Variants in CHSY3 observed in about 807,000 individuals in gnomAD.
The protein encoded by CHSY3 is N-acetylgalactosaminyl-proteoglycan 3-beta-glucuronosyltransferase 3.
Under a neutral mutation model 67.2 loss-of-function variants are expected in CHSY3, and 35 were observed. The ratio of observed to expected loss-of-function variants is 0.52; its 90% confidence interval spans 0.40 to 0.69. CHSY3 has a LOEUF of 0.69. Ranked by LOEUF, CHSY3 falls within the 30% of genes least tolerant of loss-of-function variation. The probability of loss-of-function intolerance (pLI) is 0.00; values close to 1 mark genes in which losing one functional copy is unlikely to be tolerated. For synonymous variants in CHSY3, 474 were observed against 434.7 expected (o/e 1.09, Z -1.12); for missense variants, 1,069 against 1,138.5 (o/e 0.94, Z 0.88).
In CHSY3 at chr5:130,109,057, G is replaced by A. The variant is rs569955543; in HGVS notation, c.1087-75172G>A. Reference sequence around the variant, plus strand: ...CAAATTACTTCAGTCATGTTCTATAGTTTACATTTACAGGCACATCAGTGT... The same window carrying A: ...CAAATTACTTCAGTCATGTTCTATAATTTACATTTACAGGCACATCAGTGT... On this transcript the variant is annotated intron_variant, in intron 2 of 2. Transcript: ENST00000305031. 9.4e-4 allele frequency among the ~76,000 whole-genome samples: 142 copies of A among 151,728 alleles called. 1 individual carries two copies. The highest frequency in any genetic ancestry group is 3.4e-3 in the Middle Eastern group (1 of 294).
At chr5:129,916,207 T>A (rs1464123001) in intron 2 of CHSY3, among the ~76,000 whole-genome samples, 1 of 152,238 alleles carries the variant, frequency 6.6e-6, no homozygotes, top group African/African-American at 2.4e-5. Context: ...AAGTTTGAGA[T>A]ATGCATATTC....
At chr5:129,973,920 GA>G (rs778007820) in intron 2 of CHSY3, among the ~76,000 whole-genome samples, 1 of 151,960 alleles carries the variant, frequency 6.6e-6, no homozygotes, top group Non-Finnish European at 1.5e-5. Flanking sequence ...TTTTCTCCTA[GA>G]ATGACATGCT....
chr5:129,934,697 G>C (rs1761430619), intron 2 of CHSY3, among the ~76,000 whole-genome samples: 1 of 152,108 alleles, frequency 6.6e-6, no homozygotes, highest in South Asian at 2.1e-4. Flanking sequence ...GATAGTGCTG[G>C]TAATTAAACA....
At chr5:129,957,229 T>C (rs1354410136) in intron 2 of CHSY3, among the ~76,000 whole-genome samples, 1 of 152,170 alleles carries the variant, frequency 6.6e-6, no homozygotes, top group East Asian at 1.9e-4. Context: ...TTATAGCAAT[T>C]GTGAATGGGA....
chr5:130,062,340 A>T (rs769515317), intron 2 of CHSY3, among the ~76,000 whole-genome samples: 19 of 152,110 alleles, frequency 1.2e-4, no homozygotes, highest in Admixed American at 5.3e-4. Context: ...CATGGGAGCT[A>T]AACAGTGGGC....
Position 130,185,443 on chromosome 5 carries a change from A to G in CHSY3, c.2301A>G (p.Ile767Met). ...ATCCTCCCACTGATGATTACTTCAT[A>G]TTCTCAAAAAAGACTGGATTTTGGA... ...GGNPPTDDYF[I>M]FSKKTGFWRD... Residue 767 changes from isoleucine to methionine, a missense_variant, in exon 3 of 3, where the codon ATA (isoleucine) becomes ATG (methionine). This residue lies in a region of CHSY3 where 139 missense variants were observed against 152.8 expected (regional missense o/e 0.91). Transcript: ENST00000305031. 1 of 1,614,058 alleles carries G rather than the reference A, an allele frequency of 6.2e-7. No individual in the cohort carries two copies. Among genetic ancestry groups the G allele is most frequent in the South Asian group, 1.1e-5 (1 of 91,086 alleles).
chr5:130,154,822 G>T (rs911913743), intron 2 of CHSY3, among the ~76,000 whole-genome samples: 1 of 152,176 alleles, frequency 6.6e-6, no homozygotes, highest in African/African-American at 2.4e-5. Flanking sequence ...TACTAAGGGA[G>T]TTAAAGATCT....
At chr5:130,156,202 T>A (rs1370214052) in intron 2 of CHSY3, among the ~76,000 whole-genome samples, 2 of 152,208 alleles carry the variant, frequency 1.3e-5, no homozygotes, top group Admixed American at 1.3e-4. Flanking sequence ...TTCAAGTTAC[T>A]GCTTATTTCT....
At chr5:130,048,460 A>G (rs1439118581) in intron 2 of CHSY3, among the ~76,000 whole-genome samples, 2 of 151,958 alleles carry the variant, frequency 1.3e-5, no homozygotes, top group African/African-American at 4.8e-5. Context: ...CTCTTTTTGT[A>G]TAATTAATAC....
At chr5:130,046,041 T>C (rs758373389) in intron 2 of CHSY3, among the ~76,000 whole-genome samples, 1 of 152,116 alleles carries the variant, frequency 6.6e-6, no homozygotes, top group Non-Finnish European at 1.5e-5. Context: ...ATGCTAGCAA[T>C]ACTTAACTGC....
rs369139885 is a variant in CHSY3, at chr5:130,157,228, T to C, written c.1087-27001T>C. Among the ~76,000 whole-genome samples the C allele has an allele frequency of 2.1e-3, 322 of 152,354 alleles. 6 individuals are homozygous for C. In the South Asian group the frequency reaches 0.035, roughly 17 times the overall value. On this transcript the variant is annotated intron_variant, in intron 2 of 2. Transcript: ENST00000305031. The stretch of plus-strand genomic sequence containing the variant: ...GAATAAATGTTAGTTAAGGGAATAA[T>C]GATCTACTGTATTTTTAAAAGGCCA...
chr5:129,945,668 G>A (rs568777216), intron 2 of CHSY3, among the ~76,000 whole-genome samples: 138 of 152,238 alleles, frequency 9.1e-4, no homozygotes, highest in Middle Eastern at 3.4e-3. Flanking sequence ...TATGGAAGGA[G>A]ACAGACGGGT....
chr5:129,946,058 A>G (rs1351302023), intron 2 of CHSY3, among the ~76,000 whole-genome samples: 2 of 152,174 alleles, frequency 1.3e-5, no homozygotes, highest in Non-Finnish European at 2.9e-5. Context: ...CAGAAGCACA[A>G]CTGCACTAGG....
At chr5:130,143,808 GTGTATATATATATATATATATATATATA>G (rs1408401079) in intron 2 of CHSY3, among the ~76,000 whole-genome samples, 1 of 34,070 alleles carries the variant, frequency 2.9e-5, no homozygotes, top group African/African-American at 1.1e-4. Flanking sequence ...ATATATATGT[GTGTATATATATATATATATATATATATA>G]TATATATATA....
chr5:129,958,433 C>T (rs778903861), intron 2 of CHSY3, among the ~76,000 whole-genome samples: 21 of 152,050 alleles, frequency 1.4e-4, no homozygotes, highest in Non-Finnish European at 2.9e-4. Flanking sequence ...GCATTGGGTG[C>T]GCAGGGAAGC....
At chr5:130,013,650 C>A (rs1230513953) in intron 2 of CHSY3, among the ~76,000 whole-genome samples, 1 of 152,172 alleles carries the variant, frequency 6.6e-6, no homozygotes, top group African/African-American at 2.4e-5. Flanking sequence ...AGCTGGGATG[C>A]AGGGCACCAT....
At chr5:129,932,103 C>CACAT (rs1415452163) in intron 2 of CHSY3, among the ~76,000 whole-genome samples, 13 of 115,024 alleles carry the variant, frequency 1.1e-4, no homozygotes, top group African/African-American at 4.9e-4. Context: ...ACCATAAAAC[C>CACAT]ATATATATAT....
chr5:130,162,056 A>AG (rs1445881637), intron 2 of CHSY3, among the ~76,000 whole-genome samples: 1,355 of 130,158 alleles, frequency 0.01, 15 homozygotes, highest in African/African-American at 0.038. Context: ...AAAAAAAAAA[A>AG]AAAAGAAAGA....
intron 2 of CHSY3, among the ~76,000 whole-genome samples, chr5:130,056,918 C>CTTTT (rs58326964): frequency 2.7e-3 from 154 of 56,088 alleles, no homozygotes; most frequent in Non-Finnish European, 3.5e-3. Context: ...GCATTTCTTT[C>CTTTT]TTTTTTTTTT....
Sources: gnomAD v4.1 joint callset for allele counts (sites outside exome capture counted in the v4.1 genomes callset) on GRCh38, gnomAD v4.1.1 for gene constraint, gnomAD v4.1.1 regional missense constraint, MANE v1.5 for transcripts, NCBI Gene and HGNC (gene_info 2026-07-23, HGNC 2026-07-21) for gene names.